Variants in HEPHL1 observed in about 807,000 individuals in gnomAD.
The protein encoded by HEPHL1 is ferroxidase HEPHL1.
In HEPHL1, 123 loss-of-function variants were observed where a neutral mutation model predicts 122.0. That is an observed-to-expected ratio of 1.01 (90% CI 0.87 to 1.17). The LOEUF is 1.17. Among genes scored for constraint, HEPHL1 ranks in the 50% most tolerant of loss-of-function variants. The pLI is 0.00. For missense variants in HEPHL1, 1,452 were observed against 1,430.5 expected (o/e 1.01, Z -0.24); for synonymous variants, 527 against 508.9 (o/e 1.04, Z -0.48).
intron 13 of HEPHL1, 95 bp downstream of exon 13, chr11:94,093,735 A>G: frequency 1.5e-6 from 2 of 1,370,672 alleles, no homozygotes; most frequent in South Asian, 1.4e-5. Flanking sequence ...AAGAAAGGAT[A>G]GAAGAAACAG....
At chr11:94,093,706 T>C (rs1282516890) in intron 13 of HEPHL1, 66 bp downstream of exon 13, 1 of 1,536,004 alleles carries the variant, frequency 6.5e-7, no homozygotes, top group Admixed American at 2.1e-5. Context: ...TACTCATGTG[T>C]TCTGTTACAC....
At chr11:94,052,654 A>G (rs1945900195) in intron 2 of HEPHL1, among the ~76,000 whole-genome samples, 1 of 151,752 alleles carries the variant, frequency 6.6e-6, no homozygotes, top group Non-Finnish European at 1.5e-5. Flanking sequence ...ATTCCTTTGT[A>G]TTCCTAGTTT....
chr11:94,106,704 G>T (rs1410871731), intron 17 of HEPHL1, among the ~76,000 whole-genome samples: 1 of 152,128 alleles, frequency 6.6e-6, no homozygotes, highest in African/African-American at 2.4e-5. Flanking sequence ...GACCACCCTG[G>T]AATATGCTGT....
chr11:94,025,438 G>C (rs1012974459), intron 1 of HEPHL1, among the ~76,000 whole-genome samples: 2 of 152,176 alleles, frequency 1.3e-5, no homozygotes, highest in Admixed American at 6.5e-5. Flanking sequence ...GAAGTAGGGT[G>C]GGGTCATCTT....
At chr11:94,070,630 C>T (rs1946067666) in intron 6 of HEPHL1, 88 bp downstream of exon 6, 1 of 1,116,664 alleles carries the variant, frequency 9.0e-7, no homozygotes, top group Non-Finnish European at 1.3e-6. Flanking sequence ...ATTCCAACCA[C>T]TGCTCTGATG....
In HEPHL1 at chr11:94,106,123, T is replaced by G; in HGVS notation, c.3038T>G (p.Leu1013Arg). 1 of 1,556,510 alleles carries G rather than the reference T, an allele frequency of 6.4e-7. No individual in the cohort carries two copies. Among genetic ancestry groups the G allele is most frequent in the Middle Eastern group, 1.7e-4 (1 of 5,824 alleles). The change falls in exon 17 of 20, where the codon CTT (leucine) becomes CGT (arginine). Residue 1013 changes from leucine (L) to arginine (R), a missense_variant. Leu to Arg is a moderately radical substitution (Grantham distance 102). Coordinates refer to ENST00000315765, the MANE Select transcript of HEPHL1 (RefSeq NM_001098672.2). ...HTIHYHAESF[L>R]FKIDKSYRED... is the part of the protein sequence containing the mutation. ...ATCCATTATCATGCTGAGAGCTTTC[T>G]TTTCAAAGTAAGTATAAGGAAAGTG...
At chr11:94,043,269 T>C (rs893148974) in intron 1 of HEPHL1, among the ~76,000 whole-genome samples, 5 of 152,064 alleles carry the variant, frequency 3.3e-5, no homozygotes, top group African/African-American at 9.7e-5. Context: ...AACAAACAAC[T>C]CTCAGACAGA....
chr11:94,101,295 G>A lies in HEPHL1; in HGVS notation c.2535G>A (p.Met845Ile), dbSNP rs1432065252. The change falls in exon 14 of 20, where the codon ATG (methionine) becomes ATA (isoleucine). Residue 845 changes from methionine to isoleucine, a missense_variant. Met to Ile is a conservative substitution (Grantham distance 10, BLOSUM62 1). Coordinates refer to ENST00000315765, the MANE Select transcript of HEPHL1 (RefSeq NM_001098672.2). ...TCTCAGCCCAGGGTGTGGAGGAGATGGATAGTGGAAAGCAATTCCAAGTGC... is the reference window on the plus strand; with the variant it reads ...TCTCAGCCCAGGGTGTGGAGGAGATAGATAGTGGAAAGCAATTCCAAGTGC... ...YSISAQGVEE[M>I]DSGKQFQVPM... The A allele has an allele frequency of 5.0e-6, 8 of 1,613,728 alleles. No individual in the cohort carries two copies. The highest frequency in any genetic ancestry group is 6.8e-6 in the Non-Finnish European group (8 of 1,179,824).
chr11:94,111,890 T>C lies in HEPHL1; in HGVS notation c.3476T>C (p.Leu1159Pro), dbSNP rs753550093. The change falls in exon 20 of 20, where the codon CTG becomes CCG. Residue 1159 changes from leucine to proline, a missense_variant. By Grantham distance (98) the Leu-to-Pro change is moderately conservative (BLOSUM62 -3). Transcript: ENST00000315765. ...VQSCALPTDA[L>P] Reference sequence around the variant, plus strand: ...TCCTGTGCTCTCCCCACGGATGCTCTGTGAACCATCTGGTCTCCCTCAACA... The same window carrying C: ...TCCTGTGCTCTCCCCACGGATGCTCCGTGAACCATCTGGTCTCCCTCAACA... 15 of 1,511,250 alleles carry C rather than the reference T, an allele frequency of 9.9e-6. No homozygotes were observed. In the African/African-American group the frequency reaches 2.1e-4, roughly 21 times the overall value. The allele number at this position is 1,511,250 out of a possible 1,614,324, so 93.6% of individuals were successfully genotyped here. A position where few individuals can be genotyped will look rare whatever the true frequency, so the allele number is the denominator to read the frequency against.
chr11:94,107,626 T>G (rs1448652968), intron 17 of HEPHL1, among the ~76,000 whole-genome samples: 1 of 152,224 alleles, frequency 6.6e-6, no homozygotes, highest in South Asian at 2.1e-4. Context: ...TGAAAGGTTA[T>G]GTGGAAATCA....
At chr11:94,098,002 T>A (rs1269091630) in intron 13 of HEPHL1, among the ~76,000 whole-genome samples, 1 of 152,218 alleles carries the variant, frequency 6.6e-6, no homozygotes, top group African/African-American at 2.4e-5. Context: ...ATTGGAACAT[T>A]TCACCCATTT....
chr11:94,056,029 A>C, intron 2 of HEPHL1: 3 of 609,268 alleles, frequency 4.9e-6, no homozygotes, highest in Non-Finnish European at 8.0e-6. Flanking sequence ...CTTTAAATTA[A>C]GTCAGTTTTT....
chr11:94,068,142 T>C (rs1188885074), intron 5 of HEPHL1, among the ~76,000 whole-genome samples: 1 of 152,168 alleles, frequency 6.6e-6, no homozygotes, highest in Non-Finnish European at 1.5e-5. Context: ...ACATGAGCCT[T>C]GAAATATGAG....
At chr11:94,107,396 T>C (rs528877890) in intron 17 of HEPHL1, among the ~76,000 whole-genome samples, 44 of 152,286 alleles carry the variant, frequency 2.9e-4, no homozygotes, top group African/African-American at 9.9e-4. Context: ...AAAATTTACA[T>C]ATACACTTTA....
intron 1 of HEPHL1, among the ~76,000 whole-genome samples, chr11:94,027,563 C>T (rs546099613): frequency 5.3e-5 from 8 of 152,220 alleles, no homozygotes; most frequent in African/African-American, 1.9e-4. Context: ...CTCCCAGTTG[C>T]TGTGTGTGTG....
At chr11:94,082,685 G>A in intron 10 of HEPHL1, 117 bp downstream of exon 10, 2 of 934,898 alleles carry the variant, frequency 2.1e-6, no homozygotes, top group Non-Finnish European at 3.1e-6. Flanking sequence ...TCTTGGTCAT[G>A]AGTAAGTTAT....
At chr11:94,049,330 C>T (rs1337204328) in intron 2 of HEPHL1, among the ~76,000 whole-genome samples, 2 of 151,202 alleles carry the variant, frequency 1.3e-5, no homozygotes, top group African/African-American at 4.9e-5. Flanking sequence ...CCTCCAAACC[C>T]AAAAAACAAA....
Position 94,075,353 on chromosome 11 carries a change from A to G in HEPHL1, c.1684A>G (p.Lys562Glu). The change falls in exon 9 of 20, where the codon AAA becomes GAA. Residue 562 changes from lysine to glutamate, a missense_variant. Coordinates refer to ENST00000315765, the MANE Select transcript of HEPHL1 (RefSeq NM_001098672.2). ...CCTGGTAGGGCCTTTGCTAGTCTGT[A>G]AAAAGGGCGTCCTCAATGCTGATGG... is the stretch of plus-strand genomic sequence containing the variant. ...SGLVGPLLVC[K>E]KGVLNADGTQ... 2.5e-6 allele frequency: 4 copies of G among 1,613,066 alleles called. No individual in the cohort carries two copies. Among genetic ancestry groups the G allele is most frequent in the Non-Finnish European group, 3.4e-6 (4 of 1,179,510 alleles).
chr11:94,108,885 G>A lies in HEPHL1; in HGVS notation c.3046-2018G>A, dbSNP rs546995140. On this transcript the variant is annotated intron_variant, in intron 17 of 19. Transcript: ENST00000315765. ...CCCAGATAAATTTTAGAAATAATTT[G>A]TTGATTTTGATTTTTAAAATCCTGT... Among the ~76,000 whole-genome samples, 3 of 152,046 alleles carry A rather than the reference G, an allele frequency of 2.0e-5. No individual in the cohort carries two copies. The South Asian group carries it at 6.2e-4, about 32-fold the overall frequency.
Sources: allele counts gnomAD v4.1 joint callset (sites outside exome capture counted in the v4.1 genomes callset), GRCh38; gene constraint gnomAD v4.1.1; transcripts MANE v1.5; gene names NCBI Gene and HGNC (gene_info 2026-07-23, HGNC 2026-07-21).